Variants in ZNF804B observed in about 807,000 individuals in gnomAD.
ZNF804B encodes the protein zinc finger protein 804B.
A neutral mutation model predicts 101.4 loss-of-function variants in ZNF804B; 80 were observed. The ratio of observed to expected loss-of-function variants is 0.79; its 90% CI spans 0.66 to 0.95. ZNF804B has a LOEUF of 0.95. Ranked by LOEUF, ZNF804B falls within the 40% of genes least tolerant of loss-of-function variation. ZNF804B has a pLI of 0.00. For missense variants in ZNF804B, 1,673 were observed against 1,561.9 expected (o/e 1.07, Z -1.20); for synonymous variants, 622 against 558.8 (o/e 1.11, Z -1.59).
intron 2 of ZNF804B, among the ~76,000 whole-genome samples, chr7:89,221,946 A>C (rs1448523397): frequency 6.6e-6 from 1 of 151,990 alleles, no homozygotes; most frequent in Non-Finnish European, 1.5e-5. Context: ...AATGAGGAGA[A>C]GACAAATCAG....
At chr7:88,829,103 A>G (rs76897066) in intron 1 of ZNF804B, among the ~76,000 whole-genome samples, 5,937 of 152,100 alleles carry the variant, frequency 0.039, 405 homozygotes, top group African/African-American at 0.14. Flanking sequence ...TGCTATTTTT[A>G]AGACAAGATC....
chr7:89,060,766 T>C (rs1489574860), intron 1 of ZNF804B, among the ~76,000 whole-genome samples: 1 of 152,172 alleles, frequency 6.6e-6, no homozygotes, highest in Non-Finnish European at 1.5e-5. Flanking sequence ...CGAAATTGAC[T>C]CCACAAAAGT....
At chr7:89,317,692 G>C (rs1228383570) in intron 2 of ZNF804B, among the ~76,000 whole-genome samples, 1 of 152,200 alleles carries the variant, frequency 6.6e-6, no homozygotes, top group Non-Finnish European at 1.5e-5. Flanking sequence ...AGCTGCTGAA[G>C]AGGTGGCAGG....
intron 3 of ZNF804B, among the ~76,000 whole-genome samples, chr7:89,328,569 G>A (rs1370246508): frequency 6.6e-6 from 1 of 151,698 alleles, no homozygotes; most frequent in Non-Finnish European, 1.5e-5. Flanking sequence ...ACACAATGAG[G>A]GACTTACAAT....
chr7:89,028,297 CAT>C (rs1788781091), intron 1 of ZNF804B, among the ~76,000 whole-genome samples: 1 of 152,052 alleles, frequency 6.6e-6, no homozygotes, highest in Admixed American at 6.6e-5. Flanking sequence ...AGAAAGCAGT[CAT>C]ATGAAAAGAG....
intron 1 of ZNF804B, among the ~76,000 whole-genome samples, chr7:88,915,597 ATGTAAAAGATTT>A (rs1792620489): frequency 6.6e-6 from 1 of 151,998 alleles, no homozygotes; most frequent in Admixed American, 6.6e-5. Flanking sequence ...ATGACTACAT[ATGTAAAAGATTT>A]TGTAGAAGTT....
At chr7:89,097,550 A>G (rs1173537565) in intron 1 of ZNF804B, among the ~76,000 whole-genome samples, 1 of 152,228 alleles carries the variant, frequency 6.6e-6, no homozygotes, top group Admixed American at 6.5e-5. Flanking sequence ...TAAATAGAAT[A>G]ATGAATCAGC....
At chr7:88,808,347 A>ACTCCAG (rs1390156567) in intron 1 of ZNF804B, among the ~76,000 whole-genome samples, 1 of 150,002 alleles carries the variant, frequency 6.7e-6, no homozygotes, top group Non-Finnish European at 1.5e-5. Context: ...GCACCATTGC[A>ACTCCAG]CTCCAGCCTG....
intron 1 of ZNF804B, among the ~76,000 whole-genome samples, chr7:89,169,899 T>G (rs569140400): frequency 8.5e-5 from 13 of 152,172 alleles, no homozygotes; most frequent in African/African-American, 2.7e-4. Flanking sequence ...GAGCTCTAGA[T>G]ACTATGGTTT....
chr7:89,323,370 G>T (rs959885943), intron 2 of ZNF804B, among the ~76,000 whole-genome samples: 3 of 152,130 alleles, frequency 2.0e-5, no homozygotes, highest in African/African-American at 7.2e-5. Flanking sequence ...TAGATGCAAA[G>T]TTCATAATGA....
intron 1 of ZNF804B, among the ~76,000 whole-genome samples, chr7:89,139,147 T>C (rs2116390446): frequency 6.6e-6 from 1 of 152,252 alleles, no homozygotes; most frequent in Admixed American, 6.5e-5. Context: ...CATATAAAAG[T>C]TATGTTTACA....
At chr7:88,977,548 G>A (rs2116125243) in intron 1 of ZNF804B, among the ~76,000 whole-genome samples, 1 of 151,658 alleles carries the variant, frequency 6.6e-6, no homozygotes, top group Middle Eastern at 3.4e-3. Context: ...GCTCATGGTA[G>A]TCTCTAATGA....
chr7:89,132,162 G>GCACACACA (rs1370260461), intron 1 of ZNF804B, among the ~76,000 whole-genome samples: 5 of 87,710 alleles, frequency 5.7e-5, no homozygotes, highest in African/African-American at 1.8e-4. Context: ...GAGAACACAC[G>GCACACACA]CACACATACA....
intron 1 of ZNF804B, among the ~76,000 whole-genome samples, chr7:88,940,768 A>AAATAATAATAATAAT (rs71120045): frequency 0.037 from 5,116 of 139,412 alleles, 123 homozygotes; most frequent in Middle Eastern, 0.056. Flanking sequence ...ACCCTATTTA[A>AAATAATAATAATAAT]AATAATAATA....
intron 1 of ZNF804B, among the ~76,000 whole-genome samples, chr7:88,811,908 A>G (rs958262691): frequency 6.6e-5 from 10 of 152,264 alleles, no homozygotes; most frequent in African/African-American, 2.4e-4. Flanking sequence ...GCAGCAAACC[A>G]CCATGGTACA....
rs557459080 is a variant in ZNF804B, at chr7:89,006,672, A to T, written c.109-211483A>T. ...CTACTTTCAATGTCAGTACATATTCACTTAAGAGGTAAGACATAGTTCTAA... is the reference window on the plus strand; with the variant it reads ...CTACTTTCAATGTCAGTACATATTCTCTTAAGAGGTAAGACATAGTTCTAA... On this transcript the variant is annotated intron_variant, in intron 1 of 3. Transcript: ENST00000333190. 2.0e-5 allele frequency among the ~76,000 whole-genome samples: 3 copies of T among 152,242 alleles called. No homozygotes were observed. In the South Asian group the frequency reaches 6.2e-4, roughly 32 times the overall value.
chr7:89,143,091 T>C (rs71557029), intron 1 of ZNF804B, among the ~76,000 whole-genome samples: 15,661 of 151,900 alleles, frequency 0.1, 1,640 homozygotes, highest in African/African-American at 0.27. Flanking sequence ...GTCATTTGAT[T>C]GGCAGTTTAC....
chr7:89,084,621 A>C (rs1487422465), intron 1 of ZNF804B, among the ~76,000 whole-genome samples: 1 of 151,968 alleles, frequency 6.6e-6, no homozygotes, highest in African/African-American at 2.4e-5. Context: ...GATCTGACTT[A>C]GATTTTTGTA....
At chr7:88,951,831 C>T (rs148992718) in intron 1 of ZNF804B, among the ~76,000 whole-genome samples, 202 of 151,880 alleles carry the variant, frequency 1.3e-3, no homozygotes, top group African/African-American at 4.6e-3. Flanking sequence ...TTCTGAATAA[C>T]TTCTAAAAGG....
Sources: gnomAD v4.1 joint callset for allele counts (sites outside exome capture counted in the v4.1 genomes callset) on GRCh38, gnomAD v4.1.1 for gene constraint, MANE v1.5 for transcripts, NCBI Gene and HGNC (gene_info 2026-07-23, HGNC 2026-07-21) for gene names.